USP47: variants seen among roughly 807,000 people sequenced by gnomAD.
USP47 encodes the protein ubiquitin specific peptidase 47.
Under a neutral mutation model 165.1 loss-of-function variants are expected in USP47, and 35 were observed. That is an observed-to-expected ratio of 0.21 (90% confidence interval 0.16 to 0.28). USP47 has a LOEUF of 0.28. Ranked by LOEUF, USP47 falls within the 10% of genes least tolerant of loss-of-function variation. USP47 has a pLI of 1.00. For synonymous variants in USP47, 531 were observed against 544.5 expected, an observed-to-expected ratio of 0.98 and a Z score of 0.35; for missense variants, 1,277 against 1,607.4, an observed-to-expected ratio of 0.79 and a Z score of 3.52.
At chr11:11,853,209 A>G (rs1242860787) in intron 1 of USP47, among the ~76,000 whole-genome samples, 1 of 152,188 alleles carries the variant, frequency 6.6e-6, no homozygotes, top group South Asian at 2.1e-4. Context: ...GGTTGTAAAA[A>G]ACAGAGCATT....
chr11:11,926,336 A>G (rs1854239184), intron 11 of USP47, among the ~76,000 whole-genome samples: 1 of 152,124 alleles, frequency 6.6e-6, no homozygotes, highest in African/African-American at 2.4e-5. Context: ...GAGGTTTTTG[A>G]TTACTGATTC....
At chr11:11,935,787 G>T (rs1185905743) in intron 16 of USP47, among the ~76,000 whole-genome samples, 2 of 151,904 alleles carry the variant, frequency 1.3e-5, no homozygotes, top group African/African-American at 4.8e-5. Flanking sequence ...AAGTATTCTG[G>T]AGGCTAATAT....
At chr11:11,869,681 G>A (rs1669225838) in intron 1 of USP47, among the ~76,000 whole-genome samples, 1 of 152,156 alleles carries the variant, frequency 6.6e-6, no homozygotes, top group African/African-American at 2.4e-5. Flanking sequence ...GCTATGGTTT[G>A]AATGCTTGCC....
intron 20 of USP47, 115 bp downstream of exon 20, chr11:11,943,227 G>T: frequency 8.2e-7 from 1 of 1,213,082 alleles, no homozygotes. Flanking sequence ...GTAACTTTCT[G>T]GATTATAAGA....
In USP47 at chr11:11,898,549, A is replaced by G. The variant is rs374225848; in HGVS notation, c.593+856A>G. On this transcript the variant is annotated intron_variant, in intron 5 of 27. Transcript: ENST00000527733. ...TGTATTTGTCATTCTGTATGCATGTATTGCCCTGTAGTGTTTAAATGCTAG... is the reference window on the plus strand; with the variant it reads ...TGTATTTGTCATTCTGTATGCATGTGTTGCCCTGTAGTGTTTAAATGCTAG... Among the ~76,000 whole-genome samples, 17 of 152,184 alleles carry G rather than the reference A, an allele frequency of 1.1e-4. No individual in the cohort carries two copies. In the South Asian group the frequency reaches 3.5e-3, roughly 32 times the overall value.
chr11:11,923,068 A>G (rs1410628261), intron 11 of USP47, among the ~76,000 whole-genome samples, 177 bp downstream of exon 11: 1 of 126,596 alleles, frequency 7.9e-6, no homozygotes, highest in Non-Finnish European at 1.7e-5. Context: ...ATATATATAT[A>G]TATATATATA....
intron 1 of USP47, 62 bp downstream of exon 1, chr11:11,842,286 GGGCCGGGGTTCGGCTGCGGGCCC>G (rs1011554028): frequency 3.3e-6 from 5 of 1,523,456 alleles, no homozygotes; most frequent in East Asian, 2.5e-5. Flanking sequence ...ACACAGGCCC[GGGCCGGGGTTCGGCTGCGGGCCC>G]GGCCGGGGTG....
intron 11 of USP47, among the ~76,000 whole-genome samples, chr11:11,929,053 A>G (rs1415116923): frequency 6.6e-6 from 1 of 151,968 alleles, no homozygotes; most frequent in East Asian, 1.9e-4. Flanking sequence ...TAGAATTTGA[A>G]TAAGAAACAG....
chr11:11,892,380 CT>C (rs1300802562), intron 4 of USP47, among the ~76,000 whole-genome samples: 33,961 of 120,596 alleles, frequency 0.28, 5,445 homozygotes, highest in East Asian at 0.45. Context: ...TTTTAATTTT[CT>C]TTTTTTTTTT....
rs371547062 is a variant in USP47, at chr11:11,942,700, T to G, written c.2679T>G (p.Asn893Lys). ...SDFENIESPL[N>K]ERDSSASVDN... ...TTGAAAACATCGAATCACCTCTCAA[T>G]GAGAGGGACTCTTCAGCATCAGTGG... is the stretch of plus-strand genomic sequence containing the variant. The change falls in exon 20 of 28, where the codon AAT (asparagine) becomes AAG (lysine). Residue 893 changes from asparagine to lysine, a missense_variant. Physicochemically the swap from Asn to Lys is moderately conservative, Grantham distance 94. Coordinates refer to ENST00000527733, the MANE Select transcript of USP47 (RefSeq NM_001282659.2). 7.4e-6 allele frequency: 12 copies of G among 1,613,494 alleles called. No individual in the cohort carries two copies. In the African/African-American group the frequency reaches 1.5e-4, roughly 20 times the overall value.
At chr11:11,916,098 A>T (rs756620306) in intron 8 of USP47, among the ~76,000 whole-genome samples, 5 of 152,102 alleles carry the variant, frequency 3.3e-5, no homozygotes, top group Admixed American at 2.0e-4. Flanking sequence ...TTGATTGGAG[A>T]ACTAAGGATG....
intron 1 of USP47, among the ~76,000 whole-genome samples, chr11:11,871,743 G>A (rs1850081438): frequency 6.6e-6 from 1 of 152,088 alleles, no homozygotes; most frequent in South Asian, 2.1e-4. Flanking sequence ...CCTGCGAGTT[G>A]TAGCTCTTTC....
rs935611789 is a variant in USP47, at chr11:11,959,717, A to G, written c.*3542A>G. Among the ~76,000 whole-genome samples the G allele has an allele frequency of 2.0e-5, 3 of 152,202 alleles. No individual in the cohort carries two copies. Among genetic ancestry groups the G allele is most frequent in the Non-Finnish European group, 4.4e-5 (3 of 68,036 alleles). The stretch of plus-strand genomic sequence containing the variant: ...CAGTAGGTCAAGCTAGGAGGGCAAA[A>G]GAGAGTTGAGAGGAATGCTCTGCCC... On this transcript the variant is annotated 3_prime_UTR_variant, in exon 28 of 28. Transcript: ENST00000527733.
intron 1 of USP47, among the ~76,000 whole-genome samples, chr11:11,864,015 T>A (rs1042473766): frequency 6.6e-6 from 1 of 152,162 alleles, no homozygotes; most frequent in Non-Finnish European, 1.5e-5. Flanking sequence ...ATTATGGTGA[T>A]AGCATTGCTT....
At chr11:11,920,099 A>T in intron 8 of USP47, 57 bp from the exon 9 acceptor site, 1 of 1,291,706 alleles carries the variant, frequency 7.7e-7, no homozygotes, top group Non-Finnish European at 1.0e-6. Flanking sequence ...TTTATTCAGG[A>T]TTTTGTCATT....
At chr11:11,873,761 T>C (rs1315282104) in intron 1 of USP47, 1 of 1,206,732 alleles carries the variant, frequency 8.3e-7, no homozygotes, top group Non-Finnish European at 1.1e-6. Context: ...TTATTTTATA[T>C]AAATAATTTG....
intron 1 of USP47, among the ~76,000 whole-genome samples, chr11:11,856,108 A>G (rs59109648): frequency 0.13 from 19,348 of 148,442 alleles, 1,502 homozygotes; most frequent in Middle Eastern, 0.4. Context: ...GTGTAGATGC[A>G]TGGGGCGCCT....
chr11:11,927,793 A>G (rs542057772), intron 11 of USP47, among the ~76,000 whole-genome samples: 6 of 152,158 alleles, frequency 3.9e-5, no homozygotes, highest in Non-Finnish European at 8.8e-5. Flanking sequence ...ATGTTAGGAC[A>G]CGTTTTTATG....
intron 24 of USP47, 161 bp from the exon 25 acceptor site, chr11:11,952,580 A>T: frequency 1.6e-6 from 1 of 616,288 alleles, no homozygotes; most frequent in Non-Finnish European, 2.5e-6. Context: ...TAAATATTTC[A>T]TTCTCAAAAA....
Sources: gnomAD v4.1 joint callset for allele counts (sites outside exome capture counted in the v4.1 genomes callset) on GRCh38, gnomAD v4.1.1 for gene constraint, MANE v1.5 for transcripts, NCBI Gene and HGNC (gene_info 2026-07-23, HGNC 2026-07-21) for gene names.